Variants in KDM4B observed in about 807,000 individuals in gnomAD.
KDM4B encodes lysine-specific demethylase 4B.
In KDM4B, 32 loss-of-function variants were observed where a neutral mutation model predicts 125.2. That is an observed-to-expected ratio of 0.26 (90% CI 0.19 to 0.34). The LOEUF (loss-of-function observed/expected upper bound fraction) is 0.34, where lower values mean the gene tolerates loss of function less well. Among genes scored for constraint, KDM4B ranks in the 10% least tolerant of loss-of-function variants. KDM4B has a pLI of 1.00. For synonymous variants in KDM4B, 721 were observed against 677.9 expected (o/e 1.06, Z -0.99); for missense variants, 1,190 against 1,577.7 (o/e 0.75, Z 4.16).
chr19:5,072,040 C>T (rs980981944), intron 7 of KDM4B, among the ~76,000 whole-genome samples: 3 of 152,164 alleles, frequency 2.0e-5, no homozygotes, highest in East Asian at 3.9e-4. Context: ...CCTTCAAGGA[C>T]GGCGTCAGGC....
intron 1 of KDM4B, among the ~76,000 whole-genome samples, chr19:4,992,271 A>G (rs1317039922): frequency 1.3e-5 from 2 of 151,626 alleles, no homozygotes; most frequent in African/African-American, 4.8e-5. Flanking sequence ...TATTTTGTTT[A>G]TTTTTGCTCG....
At chr19:5,048,017 A>G (rs2037083824) in intron 6 of KDM4B, among the ~76,000 whole-genome samples, 1 of 152,150 alleles carries the variant, frequency 6.6e-6, no homozygotes, top group African/African-American at 2.4e-5. Context: ...CCAAGTGGAG[A>G]CGTTCCTGGT....
chr19:5,029,817 A>G (rs1423986669), intron 2 of KDM4B, among the ~76,000 whole-genome samples: 2 of 152,266 alleles, frequency 1.3e-5, no homozygotes, highest in Non-Finnish European at 1.5e-5. Context: ...ACAGAGCCAG[A>G]TGCTGTCTCA....
At chr19:5,060,295 C>T (rs973552026) in intron 6 of KDM4B, among the ~76,000 whole-genome samples, 3 of 151,886 alleles carry the variant, frequency 2.0e-5, no homozygotes, top group African/African-American at 4.8e-5. Context: ...AAAAATTAGC[C>T]GGGTGTTGTG....
rs540519711 is a variant in KDM4B at position 5,084,054 on chromosome 19, C to T, written c.918+1550C>T. ...TTGAGGTCAGGAGTTTGAGACCAGC[C>T]TGGCCAACATGGTGAAACCCTGTCT... On this transcript the variant is annotated intron_variant, in intron 9 of 22. Transcript: ENST00000159111. Among the ~76,000 whole-genome samples the T allele has an allele frequency of 2.1e-4, 32 of 152,112 alleles. No individual in the cohort carries two copies. The South Asian group carries it at 5.4e-3, about 26-fold the overall frequency.
intron 9 of KDM4B, among the ~76,000 whole-genome samples, chr19:5,091,282 C>T (rs1026100360): frequency 2.6e-5 from 4 of 152,184 alleles, no homozygotes; most frequent in Admixed American, 2.0e-4. Flanking sequence ...AAACAGAGCG[C>T]GAGAGATGTG....
chr19:5,142,261 G>C lies in KDM4B; in HGVS notation c.2551-1706G>C, dbSNP rs2039758021. Among the ~76,000 whole-genome samples, 2 of 152,140 alleles carry C rather than the reference G, an allele frequency of 1.3e-5. No individual in the cohort carries two copies. The highest frequency in any genetic ancestry group is 4.8e-5 in the African/African-American group (2 of 41,440). On this transcript the variant is annotated intron_variant, in intron 18 of 22. Transcript: ENST00000159111. This position sits in a 1 kb window ranked among gnomAD's most constrained non-coding sequence, Gnocchi z 5.4. Reference sequence around the variant, plus strand: ...GACCCTGACTCCCCGGCACACACTGGCCTGGGCCAGGCCAGCACTGGATGT... The same window carrying C: ...GACCCTGACTCCCCGGCACACACTGCCCTGGGCCAGGCCAGCACTGGATGT...
intron 14 of KDM4B, 91 bp downstream of exon 14, chr19:5,134,152 C>T (rs1185314245): frequency 3.2e-6 from 4 of 1,247,286 alleles, no homozygotes; most frequent in East Asian, 2.4e-5. Context: ...GCCTCCCTCT[C>T]TCACGCAGGG....
intron 2 of KDM4B, among the ~76,000 whole-genome samples, chr19:5,026,881 C>T (rs1259761709): frequency 6.6e-6 from 1 of 152,216 alleles, no homozygotes; most frequent in African/African-American, 2.4e-5. Flanking sequence ...ACTGCCGCCC[C>T]CTTTCTGCAG....
chr19:5,008,915 T>A (rs1215630812), intron 1 of KDM4B, among the ~76,000 whole-genome samples: 8 of 81,938 alleles, frequency 9.8e-5, no homozygotes, highest in Non-Finnish European at 1.9e-4. Context: ...CCTTTTTTTT[T>A]TTTTTTTTTT....
chr19:5,055,361 C>T (rs562439039), intron 6 of KDM4B, among the ~76,000 whole-genome samples: 2 of 152,332 alleles, frequency 1.3e-5, no homozygotes, highest in East Asian at 1.9e-4. Flanking sequence ...GGTGTTTGTT[C>T]GGGGACTGCA....
At position 5,131,216 on chromosome 19, in the gene KDM4B, G is replaced by A. The variant is rs1277612240; in HGVS notation, c.1456G>A (p.Glu486Lys). 1 of 1,605,634 alleles carries A rather than the reference G, an allele frequency of 6.2e-7. No individual in the cohort carries two copies. Among genetic ancestry groups the A allele is most frequent in the African/African-American group, 1.3e-5 (1 of 74,784 alleles). ...GGCGCTGTGGCTGCCATCCCCACTG[G>A]AGCCCCCGGTGCTGGGCCCAGGCCC... ...EEALWLPSPLEPPVLGPGPAA... is the reference protein window; with the variant it reads ...EEALWLPSPLKPPVLGPGPAA... Residue 486 changes from glutamate to lysine, a missense_variant, in exon 12 of 23, where the codon GAG becomes AAG. Physicochemically the swap from Glu to Lys is moderately conservative, Grantham distance 56. Coordinates refer to ENST00000159111, the MANE Select transcript of KDM4B (RefSeq NM_015015.3).
intron 10 of KDM4B, among the ~76,000 whole-genome samples, chr19:5,116,631 A>G (rs1443878921): frequency 2.0e-5 from 3 of 152,196 alleles, no homozygotes; most frequent in East Asian, 3.9e-4. Context: ...GACACCCTGC[A>G]TAGGAGACCA....
chr19:5,124,548 C>T (rs2039417411), intron 11 of KDM4B, among the ~76,000 whole-genome samples: 2 of 152,200 alleles, frequency 1.3e-5, no homozygotes, highest in African/African-American at 4.8e-5. Flanking sequence ...GCCACCAGCT[C>T]CTGTGACTTG....
At position 5,104,519 on chromosome 19, in the gene KDM4B, A is replaced by G. The variant is rs182330706; in HGVS notation, c.919-6103A>G. 1.5e-3 allele frequency among the ~76,000 whole-genome samples: 227 copies of G among 152,032 alleles called. 1 individual carries two copies. The highest frequency in any genetic ancestry group is 5.2e-3 in the African/African-American group (216 of 41,460). ...TTTCCAGCAACTAAAATCTTGGGAAATTAAAGGTCCTTAAAACATGCTTTC... is the reference window on the plus strand; with the variant it reads ...TTTCCAGCAACTAAAATCTTGGGAAGTTAAAGGTCCTTAAAACATGCTTTC... On this transcript the variant is annotated intron_variant, in intron 9 of 22. Coordinates refer to ENST00000159111, the MANE Select transcript of KDM4B (RefSeq NM_015015.3).
chr19:5,079,419 T>C (rs1022631239), intron 8 of KDM4B, among the ~76,000 whole-genome samples: 3 of 152,250 alleles, frequency 2.0e-5, no homozygotes, highest in African/African-American at 7.2e-5. Context: ...CATAATCTTC[T>C]TGTCCTAACC....
At chr19:5,104,704 G>A (rs1468410386) in intron 9 of KDM4B, among the ~76,000 whole-genome samples, 2 of 152,016 alleles carry the variant, frequency 1.3e-5, no homozygotes, top group Non-Finnish European at 2.9e-5. Context: ...GGAGCGTATT[G>A]GAACTGATGT....
chr19:5,096,527 C>T (rs2038826815), intron 9 of KDM4B, among the ~76,000 whole-genome samples: 1 of 152,192 alleles, frequency 6.6e-6, no homozygotes, highest in Non-Finnish European at 1.5e-5. Context: ...GTGCCCCTGC[C>T]CAGACCCCAG....
intron 5 of KDM4B, among the ~76,000 whole-genome samples, chr19:5,042,623 T>TA (rs993843221): frequency 1.2e-4 from 18 of 151,574 alleles, no homozygotes; most frequent in African/African-American, 3.9e-4. Flanking sequence ...TCAGGAAACT[T>TA]AGAGTCGTGG....
Sources: gnomAD v4.1 joint callset for allele counts (sites outside exome capture counted in the v4.1 genomes callset) on GRCh38, gnomAD v4.1.1 for gene constraint, Gnocchi (gnomAD v3.1) non-coding constraint, MANE v1.5 for transcripts, NCBI Gene and HGNC (gene_info 2026-07-23, HGNC 2026-07-21) for gene names.